Variants in IGF2R observed in about 807,000 individuals in gnomAD.
The protein encoded by IGF2R is cation-independent mannose-6-phosphate receptor.
In IGF2R, 91 loss-of-function variants were observed where a neutral mutation model predicts 270.6. The ratio of observed to expected loss-of-function variants is 0.34; its 90% CI spans 0.28 to 0.40. The LOEUF is 0.40. Among genes scored for constraint, IGF2R ranks in the 10% least tolerant of loss-of-function variants. The pLI, the probability that IGF2R is intolerant of heterozygous loss-of-function variation, is 1.00. For synonymous variants in IGF2R, 1,316 were observed against 1,258.9 expected, an observed-to-expected ratio of 1.05 and a Z score of -0.96; for missense variants, 2,805 against 3,188.3, an observed-to-expected ratio of 0.88 and a Z score of 2.90.
chr6:160,072,824 G>A lies in IGF2R; in HGVS notation c.4630G>A (p.Glu1544Lys), dbSNP rs750522726. The A allele has an allele frequency of 7.4e-6, 12 of 1,614,200 alleles. No homozygotes were observed. The highest frequency in any genetic ancestry group is 9.3e-6 in the Non-Finnish European group (11 of 1,180,020). The change falls in exon 33 of 48, where the codon GAG becomes AAG. Residue 1544 changes from glutamate to lysine, a missense_variant. This residue lies in a region of IGF2R where 1,851 missense variants were observed against 2,207.2 expected (regional missense o/e 0.84). Coordinates refer to ENST00000356956, the MANE Select transcript of IGF2R (RefSeq NM_000876.4). ...GRAGFTAAYS[E>K]KGLVYMSICG... is the part of the protein sequence containing the mutation. ...GGCGGGATTCACAGCTGCTTACAGC[G>A]AGAAGGGGTTGGTTTACATGAGCAT...
chr6:160,000,728 GTTTTTTTT>G (rs59215791), intron 2 of IGF2R, among the ~76,000 whole-genome samples: 221 of 69,968 alleles, frequency 3.2e-3, no homozygotes, highest in African/African-American at 0.012. Context: ...GTGTGAGGTT[GTTTTTTTT>G]TTTTTTTTTT....
rs746690934 is a variant in IGF2R, at chr6:160,073,708, AT to A, written c.4948-47del. 1.4e-5 allele frequency: 21 copies of A among 1,513,322 alleles called. No individual in the cohort carries two copies. The Admixed American group carries it at 3.7e-4, about 27-fold the overall frequency. The allele number at this position is 1,513,322 out of a possible 1,614,324, so 93.7% of individuals were successfully genotyped here. On this transcript the variant is annotated intron_variant, in intron 34 of 47. Transcript: ENST00000356956. The stretch of plus-strand genomic sequence containing the variant: ...AATTCTTATGGATGACCTAGTGGTG[AT>A]TAGGAAAATTTTTTTGTAGACTCAA...
At chr6:160,098,196 G>A (rs78423775) in intron 45 of IGF2R, among the ~76,000 whole-genome samples, 7,318 of 152,180 alleles carry the variant, frequency 0.048, 253 homozygotes, top group Non-Finnish European at 0.072. Context: ...CTAGGATCCC[G>A]TCCATGTTGA....
At chr6:160,092,449 G>C (rs553390268) in intron 44 of IGF2R, among the ~76,000 whole-genome samples, 67 of 152,402 alleles carry the variant, frequency 4.4e-4, no homozygotes, top group Non-Finnish European at 2.4e-4. Flanking sequence ...CCAGCTTTCA[G>C]AGTGCTTGTG....
At chr6:160,034,553 C>G in intron 10 of IGF2R, 31 bp downstream of exon 10, 16 of 1,383,706 alleles carry the variant, frequency 1.2e-5, no homozygotes, top group Non-Finnish European at 1.6e-5. Flanking sequence ...AGCCCCTCCT[C>G]TTTGCATTCA....
At chr6:160,022,288 A>G (rs562673969) in intron 4 of IGF2R, among the ~76,000 whole-genome samples, 1 of 152,306 alleles carries the variant, frequency 6.6e-6, no homozygotes, top group Non-Finnish European at 1.5e-5. Context: ...AAATTTCCTA[A>G]TGGGTACAAT....
chr6:160,030,105 C>G (rs1008902094), intron 7 of IGF2R, among the ~76,000 whole-genome samples: 4 of 152,226 alleles, frequency 2.6e-5, no homozygotes, highest in Non-Finnish European at 5.9e-5. Context: ...GCCTTCTCCC[C>G]TCTTTCTCAT....
At chr6:159,980,630 G>A (rs10455861) in intron 1 of IGF2R, among the ~76,000 whole-genome samples, 17,179 of 152,224 alleles carry the variant, frequency 0.11, 1,098 homozygotes, top group Non-Finnish European at 0.14. Flanking sequence ...ACCACCTGGC[G>A]GTGGCCTCAT....
intron 4 of IGF2R, among the ~76,000 whole-genome samples, chr6:160,021,657 A>T (rs769529545): frequency 3.0e-4 from 44 of 147,820 alleles, no homozygotes; most frequent in Middle Eastern, 3.4e-3. Context: ...GGAACGTAAT[A>T]AAAAAAAACC....
chr6:160,071,110 A>AG (rs1358200649), intron 31 of IGF2R, among the ~76,000 whole-genome samples: 1 of 135,312 alleles, frequency 7.4e-6, no homozygotes, highest in East Asian at 2.3e-4. Context: ...GGAGGCTGGG[A>AG]GGGAAGGATG....
intron 9 of IGF2R, among the ~76,000 whole-genome samples, chr6:160,033,854 T>G (rs1037885999): frequency 6.6e-6 from 1 of 152,222 alleles, no homozygotes; most frequent in African/African-American, 2.4e-5. Flanking sequence ...AACTTGGTAG[T>G]TGACCTTCAT....
chr6:160,030,415 C>T (rs376348268), intron 7 of IGF2R, among the ~76,000 whole-genome samples: 4 of 152,206 alleles, frequency 2.6e-5, no homozygotes, highest in Non-Finnish European at 4.4e-5. Flanking sequence ...TTTGCTCTGA[C>T]GTCAGGCTGG....
rs748999353 is a variant in IGF2R, at chr6:160,043,138, T to C, written c.1481-10T>C. On this transcript the variant is annotated splice_polypyrimidine_tract_variant and intron_variant, in intron 11 of 47. Transcript: ENST00000356956. Reference sequence around the variant, plus strand: ...GCTTTTGGCTAAAATACACTTTTGTTTTGTTACAGAACCAGAGCAGAATTG... The same window carrying C: ...GCTTTTGGCTAAAATACACTTTTGTCTTGTTACAGAACCAGAGCAGAATTG... 6.2e-7 allele frequency: 1 copy of C among 1,613,692 alleles called. No homozygotes were observed. Among genetic ancestry groups the C allele is most frequent in the Non-Finnish European group, 8.5e-7 (1 of 1,179,800 alleles).
In IGF2R at chr6:160,056,541, C is replaced by T. The variant is rs1778321257; in HGVS notation, c.2796+16C>T. On this transcript the variant is annotated intron_variant, in intron 20 of 47. Transcript: ENST00000356956. Reference sequence around the variant, plus strand: ...TACAGACCAGGTACGTGTGCTTTCACCTGGCCCTCGTGCTGAGCTGCCTGC... The same window carrying T: ...TACAGACCAGGTACGTGTGCTTTCATCTGGCCCTCGTGCTGAGCTGCCTGC... 1.3e-6 allele frequency: 2 copies of T among 1,556,386 alleles called. No homozygotes were observed. The highest frequency in any genetic ancestry group is 1.8e-6 in the Non-Finnish European group (2 of 1,127,578).
chr6:160,064,668 T>TA (rs1778523054), intron 28 of IGF2R, 136 bp from the exon 29 acceptor site: 1 of 1,153,154 alleles, frequency 8.7e-7, no homozygotes, highest in Non-Finnish European at 1.3e-6. Context: ...TTACAGAAAA[T>TA]ATGTTGAAAC....
At chr6:159,993,133 G>A (rs1784003170) in intron 2 of IGF2R, among the ~76,000 whole-genome samples, 1 of 152,032 alleles carries the variant, frequency 6.6e-6, no homozygotes, top group Non-Finnish European at 1.5e-5. Context: ...TGAGTTCCTT[G>A]TAGATTCTGG....
At chr6:160,076,689 C>T (rs148442735) in intron 36 of IGF2R, among the ~76,000 whole-genome samples, 17 of 152,338 alleles carry the variant, frequency 1.1e-4, no homozygotes, top group Non-Finnish European at 2.4e-4. Flanking sequence ...CACAGCCTGT[C>T]GTCTGTGCTT....
At chr6:159,979,964 G>T (rs1349036053) in intron 1 of IGF2R, among the ~76,000 whole-genome samples, 1 of 152,120 alleles carries the variant, frequency 6.6e-6, no homozygotes, top group Admixed American at 6.5e-5. Flanking sequence ...GGCCGAGGCG[G>T]GTGGATCACG....
At chr6:160,072,615 G>A in intron 32 of IGF2R, 150 bp from the exon 33 acceptor site, 4 of 748,828 alleles carry the variant, frequency 5.3e-6, no homozygotes, top group Non-Finnish European at 9.2e-6. Context: ...GATACAGCCT[G>A]GCTGTTGGTG....
Sources: allele counts gnomAD v4.1 joint callset (sites outside exome capture counted in the v4.1 genomes callset), GRCh38; gene constraint gnomAD v4.1.1; regional missense constraint gnomAD v4.1.1; transcripts MANE v1.5; gene names NCBI Gene and HGNC (gene_info 2026-07-23, HGNC 2026-07-21).